Variants in TRMT9B observed in about 807,000 individuals in gnomAD.
TRMT9B encodes the protein probable tRNA methyltransferase 9B.
In TRMT9B, 16 loss-of-function variants were observed where a neutral mutation model predicts 11.5. The observed-to-expected ratio is 1.39, with a 90% CI of 0.94 to 2.11. The LOEUF is 2.11. Ranked by LOEUF, TRMT9B falls within the 30% of genes most tolerant of loss-of-function variation. The probability of loss-of-function intolerance (pLI) is 0.00; values close to 1 mark genes in which losing one functional copy is unlikely to be tolerated. For missense variants in TRMT9B, 941 were observed against 553.8 expected, an observed-to-expected ratio of 1.70 and a Z score of -7.02; for synonymous variants, 274 against 192.4, an observed-to-expected ratio of 1.42 and a Z score of -3.51.
intron 1 of TRMT9B, among the ~76,000 whole-genome samples, chr8:12,974,310 G>T (rs1804091855): frequency 1.3e-5 from 2 of 152,070 alleles, no homozygotes; most frequent in Admixed American, 6.6e-5. Context: ...CTTTCCCACT[G>T]CAAGCTTCTT....
In TRMT9B at chr8:13,025,518, C is replaced by G. The variant is rs1284883584; in HGVS notation, c.*3474C>G. ...GGCAACAAGAGTGAAACTCCATCTCCAACAAAACAAAACTTTGCTGGCTTC... is the reference window on the plus strand; with the variant it reads ...GGCAACAAGAGTGAAACTCCATCTCGAACAAAACAAAACTTTGCTGGCTTC... On this transcript the variant is annotated 3_prime_UTR_variant, in exon 5 of 5. Coordinates refer to ENST00000524591, the MANE Select transcript of TRMT9B (RefSeq NM_020844.3). 6.0e-6 allele frequency: 1 copy of G among 166,528 alleles called. No individual in the cohort carries two copies. The highest frequency in any genetic ancestry group is 1.5e-5 in the Non-Finnish European group (1 of 68,214). 10.3% of individuals were successfully genotyped at this position (166,528 alleles called of 1,614,324 possible).
chr8:12,987,973 C>G (rs532162699), intron 1 of TRMT9B, among the ~76,000 whole-genome samples: 1 of 152,220 alleles, frequency 6.6e-6, no homozygotes, highest in Non-Finnish European at 1.5e-5. Context: ...ACAATTATTA[C>G]TGAATGTATA....
Position 12,968,084 on chromosome 8 carries a change from C to G in TRMT9B, c.-200+22118C>G, listed in dbSNP as rs940851322. ...ATTTTTAGTAAAGATGGGATTTCAC[C>G]ATGTTGTCCAGGCTGGTCTCAAACT... On this transcript the variant is annotated intron_variant, in intron 1 of 4. Transcript: ENST00000524591. 1.1e-4 allele frequency among the ~76,000 whole-genome samples: 17 copies of G among 152,316 alleles called. No homozygotes were observed. The East Asian group carries it at 3.3e-3, about 29-fold the overall frequency.
rs1312934039 is a variant in TRMT9B at position 13,024,044 on chromosome 8, T to TTTTTC, written c.*2004_*2005insCTTTT. ...ATTAATTTGGTTTCTTCTATTTCTT[T>TTTTTC]TTTTTTTTTTTTTTTTTGAGACAGA... is the stretch of plus-strand genomic sequence containing the variant. On this transcript the variant is annotated 3_prime_UTR_variant, in exon 5 of 5. Transcript: ENST00000524591. The TTTTTC allele has an allele frequency of 7.3e-6, 1 of 137,122 alleles. No homozygotes were observed. Among genetic ancestry groups the TTTTTC allele is most frequent in the Non-Finnish European group, 1.6e-5 (1 of 61,046 alleles). The allele number at this position is 137,122 out of a possible 1,614,324, so 8.5% of individuals were successfully genotyped here. A position where few individuals can be genotyped will look rare whatever the true frequency, so the allele number is the denominator to read the frequency against.
intron 4 of TRMT9B, among the ~76,000 whole-genome samples, chr8:13,013,467 C>T (rs1041942632): frequency 6.6e-6 from 1 of 151,956 alleles, no homozygotes. Context: ...AACACACATG[C>T]CAAAAAATGG....
Position 13,025,612 on chromosome 8 carries a change from C to G in TRMT9B, c.*3568C>G, listed in dbSNP as rs1814600609. On this transcript the variant is annotated 3_prime_UTR_variant, in exon 5 of 5. Transcript: ENST00000524591. ...AAGGATTTGGGGGAAAGCGCATTAACATGGACAAAGGATGGAATCAAAATA... is the reference window on the plus strand; with the variant it reads ...AAGGATTTGGGGGAAAGCGCATTAAGATGGACAAAGGATGGAATCAAAATA... 1 of 167,080 alleles carries G rather than the reference C, an allele frequency of 6.0e-6. No individual in the cohort carries two copies. The highest frequency in any genetic ancestry group is 2.4e-5 in the African/African-American group (1 of 41,454). The allele number at this position is 167,080 out of a possible 1,614,324, so 10.3% of individuals were successfully genotyped here.
At position 13,029,506 on chromosome 8, in the gene TRMT9B, A is replaced by G. The variant is rs1815121674; in HGVS notation, c.*7462A>G. ...ATGTATTCAATTATTTAAGTTAAGT[A>G]TCAGTGTATTTTTAAAAAGTGTTCC... On this transcript the variant is annotated 3_prime_UTR_variant, in exon 5 of 5. Coordinates refer to ENST00000524591, the MANE Select transcript of TRMT9B (RefSeq NM_020844.3). 6.0e-6 allele frequency: 1 copy of G among 166,980 alleles called. No homozygotes were observed. The highest frequency in any genetic ancestry group is 2.4e-5 in the African/African-American group (1 of 41,452). The allele number at this position is 166,980 out of a possible 1,614,324, so 10.3% of individuals were successfully genotyped here. A position where few individuals can be genotyped will look rare whatever the true frequency, so the allele number is the denominator to read the frequency against.
intron 1 of TRMT9B, among the ~76,000 whole-genome samples, chr8:12,976,333 G>A (rs1025162986): frequency 6.6e-6 from 1 of 151,656 alleles, no homozygotes; most frequent in Non-Finnish European, 1.5e-5. Flanking sequence ...AGGAAGACAT[G>A]GTAGGATTAG....
intron 4 of TRMT9B, among the ~76,000 whole-genome samples, chr8:13,018,541 A>C (rs566072044): frequency 5.3e-5 from 8 of 152,242 alleles, no homozygotes; most frequent in South Asian, 4.1e-4. Flanking sequence ...ACCACCCCCC[A>C]AAAAATAGTC....
Position 13,011,710 on chromosome 8 carries a change from T to C in TRMT9B, c.155-974T>C, listed in dbSNP as rs955347184. 6 of 977,000 alleles carry C rather than the reference T, an allele frequency of 6.1e-6. No homozygotes were observed. In the Admixed American group the frequency reaches 2.5e-4, roughly 40 times the overall value. The allele number at this position is 977,000 out of a possible 1,614,324, so 60.5% of individuals were successfully genotyped here. A position where few individuals can be genotyped will look rare whatever the true frequency, so the allele number is the denominator to read the frequency against. ...TTGTAAATCCTGAATTACTTAGGTC[T>C]CTGCTACTGGAAAGTGAATATCAAA... On this transcript the variant is annotated intron_variant, in intron 3 of 4. Coordinates refer to ENST00000524591, the MANE Select transcript of TRMT9B (RefSeq NM_020844.3).
chr8:13,027,660 A>G lies in TRMT9B; in HGVS notation c.*5616A>G, dbSNP rs193177029. 10 of 167,188 alleles carry G rather than the reference A, an allele frequency of 6.0e-5. No homozygotes were observed. In the East Asian group the frequency reaches 1.5e-3, roughly 26 times the overall value. The allele number at this position is 167,188 out of a possible 1,614,324, so 10.4% of individuals were successfully genotyped here. On this transcript the variant is annotated 3_prime_UTR_variant, in exon 5 of 5. Transcript: ENST00000524591. ...CAAGTAATTCCCACATTCCCTAGATATATACTTGGATTTCAAATGCCATAA... is the reference window on the plus strand; with the variant it reads ...CAAGTAATTCCCACATTCCCTAGATGTATACTTGGATTTCAAATGCCATAA...
chr8:13,003,287 C>T (rs1006226804), intron 2 of TRMT9B, among the ~76,000 whole-genome samples: 3 of 152,068 alleles, frequency 2.0e-5, no homozygotes, highest in Non-Finnish European at 4.4e-5. Context: ...AGCCACAACC[C>T]GAGTCCCTGG....
At chr8:12,993,010 T>C (rs1236332877) in intron 2 of TRMT9B, among the ~76,000 whole-genome samples, 1 of 152,210 alleles carries the variant, frequency 6.6e-6, no homozygotes, top group Non-Finnish European at 1.5e-5. Flanking sequence ...TAGGAGAGCA[T>C]TGCCGGTGAG....
At chr8:12,973,262 T>A (rs184402374) in intron 1 of TRMT9B, among the ~76,000 whole-genome samples, 1 of 152,076 alleles carries the variant, frequency 6.6e-6, no homozygotes, top group African/African-American at 2.4e-5. Context: ...TTTAGGAAGA[T>A]TTTTTTTGGC....
chr8:13,000,358 A>C (rs1809189411), intron 2 of TRMT9B, among the ~76,000 whole-genome samples: 1 of 152,174 alleles, frequency 6.6e-6, no homozygotes. Flanking sequence ...GGAATTGCCA[A>C]TGTCCTTCTC....
intron 1 of TRMT9B, among the ~76,000 whole-genome samples, chr8:12,987,614 C>T (rs1396132850): frequency 6.6e-6 from 1 of 152,082 alleles, no homozygotes; most frequent in Admixed American, 6.5e-5. Context: ...ATCATTTGCA[C>T]CTGGGAGGTC....
intron 2 of TRMT9B, among the ~76,000 whole-genome samples, chr8:12,995,543 C>A (rs925244398): frequency 6.6e-6 from 1 of 152,072 alleles, no homozygotes; most frequent in African/African-American, 2.4e-5. Flanking sequence ...ATATTAATTG[C>A]CCGTTTCTTC....
intron 2 of TRMT9B, among the ~76,000 whole-genome samples, chr8:13,004,791 A>C (rs1402344221): frequency 2.0e-5 from 3 of 152,052 alleles, no homozygotes; most frequent in African/African-American, 7.2e-5. Context: ...GTGGAGGGAC[A>C]AGGAAAGGGG....
At chr8:13,017,928 A>G (rs1563444835) in intron 4 of TRMT9B, among the ~76,000 whole-genome samples, 1 of 151,464 alleles carries the variant, frequency 6.6e-6, no homozygotes, top group Non-Finnish European at 1.5e-5. Flanking sequence ...GTGGCCAGCT[A>G]TTTTTTTCTT....
Sources: gnomAD v4.1 joint callset for allele counts (sites outside exome capture counted in the v4.1 genomes callset) on GRCh38, gnomAD v4.1.1 for gene constraint, MANE v1.5 for transcripts, NCBI Gene and HGNC (gene_info 2026-07-23, HGNC 2026-07-21) for gene names.